Variants in UMODL1 observed in about 807,000 individuals in gnomAD.
The protein encoded by UMODL1 is uromodulin-like 1.
A neutral mutation model predicts 136.3 loss-of-function variants in UMODL1; 128 were observed. The ratio of observed to expected loss-of-function variants is 0.94; its 90% CI spans 0.81 to 1.09. The LOEUF is 1.09. Ranked by LOEUF, UMODL1 falls within the 50% of genes least tolerant of loss-of-function variation. The probability of loss-of-function intolerance (pLI) is 0.00; values close to 1 mark genes in which losing one functional copy is unlikely to be tolerated. For synonymous variants in UMODL1, 721 were observed against 720.0 expected (o/e 1.00, Z -0.02); for missense variants, 1,766 against 1,725.6 (o/e 1.02, Z -0.41).
chr21:42,113,821 G>A lies in UMODL1; in HGVS notation c.2353G>A (p.Val785Met), dbSNP rs1162400981. Residue 785 changes from valine (V) to methionine (M), a missense_variant, in exon 13 of 23, where the codon GTG becomes ATG. By Grantham distance (21) the Val-to-Met change is conservative. Coordinates refer to ENST00000408910, the MANE Select transcript of UMODL1 (RefSeq NM_001004416.3). ...GKEGARAHLKVRTAARKLIGK... is the reference protein window; with the variant it reads ...GKEGARAHLKMRTAARKLIGK... ...AGAAGGTGCCAGAGCTCATCTGAAA[G>A]TGAGGACAGGTAATGGGCTTCCATT... 2 of 1,613,068 alleles carry A rather than the reference G, an allele frequency of 1.2e-6. No individual in the cohort carries two copies. The highest frequency in any genetic ancestry group is 8.5e-7 in the Non-Finnish European group (1 of 1,179,412).
chr21:42,071,528 G>A, intron 1 of UMODL1, 136 bp downstream of exon 1: 1 of 920,980 alleles, frequency 1.1e-6, no homozygotes, highest in South Asian at 3.2e-5. Context: ...CTGTTCTTTT[G>A]TGGACAAGCT....
intron 9 of UMODL1, among the ~76,000 whole-genome samples, chr21:42,105,523 G>C (rs220114): frequency 0.29 from 43,378 of 152,132 alleles, 6,366 homozygotes; most frequent in East Asian, 0.36. Context: ...TTAGAATAAG[G>C]GTGTTTGCAG....
At position 42,127,229 on chromosome 21, in the gene UMODL1, T is replaced by G. The variant is rs2067070831; in HGVS notation, c.3517T>G (p.Phe1173Val). 1 of 1,614,042 alleles carries G rather than the reference T, an allele frequency of 6.2e-7. No homozygotes were observed. Among genetic ancestry groups the G allele is most frequent in the East Asian group, 2.2e-5 (1 of 44,880 alleles). ...CGCCCGGGACCCCATCACCTTCAGC[T>G]TCATTAACAACAGGTAGGGCTCAGG... ...SNARDPITFS[F>V]INNSCPVPNT... is the part of the protein sequence containing the mutation. Residue 1173 changes from phenylalanine (F) to valine (V), a missense_variant, in exon 19 of 23, where the codon TTC becomes GTC. Coordinates refer to ENST00000408910, the MANE Select transcript of UMODL1 (RefSeq NM_001004416.3).
intron 22 of UMODL1, among the ~76,000 whole-genome samples, chr21:42,138,855 G>A (rs575255132): frequency 2.6e-5 from 4 of 152,258 alleles, no homozygotes; most frequent in East Asian, 1.9e-4. Flanking sequence ...GATTACAGGC[G>A]TGAGCCACCG....
chr21:42,132,862 C>T (rs2067152186), intron 21 of UMODL1, among the ~76,000 whole-genome samples: 1 of 152,162 alleles, frequency 6.6e-6, no homozygotes, highest in Non-Finnish European at 1.5e-5. Flanking sequence ...TTTTCCTCAT[C>T]TTTGAAAAGG....
chr21:42,122,947 C>T lies in UMODL1; in HGVS notation c.2944C>T (p.Arg982Trp), dbSNP rs757477018. The change falls in exon 17 of 23, where the codon CGG becomes TGG. Residue 982 changes from arginine to tryptophan, a missense_variant. Arg to Trp is a moderately radical substitution (Grantham distance 101). Coordinates refer to ENST00000408910, the MANE Select transcript of UMODL1 (RefSeq NM_001004416.3). The surrounding 1 kb of genome is among the most constrained non-coding windows in gnomAD (Gnocchi z 4.3). ...TSPTPQGLPQ[R>W]LNLTGAVRVL... ...CCCCACCCCCCAAGGCCTGCCCCAG[C>T]GGCTGAACCTGACCGGAGCAGTCAG... 2.6e-5 allele frequency: 42 copies of T among 1,613,902 alleles called. No homozygotes were observed. Among genetic ancestry groups the T allele is most frequent in the Middle Eastern group, 1.6e-4 (1 of 6,084 alleles).
At chr21:42,080,963 ACATAATGCTGTGATGAACAT>A (rs2066354651) in intron 2 of UMODL1, among the ~76,000 whole-genome samples, 1 of 152,254 alleles carries the variant, frequency 6.6e-6, no homozygotes, top group Non-Finnish European at 1.5e-5. Flanking sequence ...TCATTATCAT[ACATAATGCTGTGATGAACAT>A]CATACCGTAC....
rs376888690 is a variant in UMODL1 at position 42,074,896 on chromosome 21, T to C, written c.77-1109T>C. On this transcript the variant is annotated intron_variant, in intron 1 of 22. Transcript: ENST00000408910. ...CCAGCCACCACAATTTTTTATTTTA[T>C]TTTTTATTTTTGTTTTTTTTTTCAG... Among the ~76,000 whole-genome samples the C allele has an allele frequency of 5.9e-5, 9 of 151,942 alleles. No homozygotes were observed. The East Asian group carries it at 9.7e-4, about 16-fold the overall frequency.
intron 9 of UMODL1, chr21:42,108,362 G>T (rs1436331102): frequency 1.9e-6 from 1 of 523,752 alleles, no homozygotes; most frequent in Non-Finnish European, 3.9e-6. Flanking sequence ...TGTTCTGATG[G>T]CAAGGCAGCC....
intron 1 of UMODL1, among the ~76,000 whole-genome samples, chr21:42,064,602 G>C (rs1481532732): frequency 6.6e-6 from 1 of 152,148 alleles, no homozygotes; most frequent in Non-Finnish European, 1.5e-5. Context: ...AGTTGCCCAG[G>C]CTGGAGTGCA....
At chr21:42,135,292 C>G (rs917272306) in intron 21 of UMODL1, among the ~76,000 whole-genome samples, 1 of 152,270 alleles carries the variant, frequency 6.6e-6, no homozygotes, top group Non-Finnish European at 1.5e-5. Flanking sequence ...AGGGCTTGCT[C>G]TCCACTTCTA....
intron 10 of UMODL1, 124 bp downstream of exon 10, chr21:42,109,823 A>G (rs1039951623): frequency 9.7e-7 from 1 of 1,030,904 alleles, no homozygotes; most frequent in Non-Finnish European, 1.4e-6. Flanking sequence ...GGGCCTACAG[A>G]AATGTTTTCA....
chr21:42,136,147 C>CA (rs995483671), intron 21 of UMODL1, among the ~76,000 whole-genome samples: 1 of 152,114 alleles, frequency 6.6e-6, no homozygotes, highest in Non-Finnish European at 1.5e-5. Context: ...TCATAGGGGC[C>CA]AGCCAGAGAG....
At chr21:42,077,336 C>T (rs570624240) in intron 2 of UMODL1, among the ~76,000 whole-genome samples, 36 of 151,934 alleles carry the variant, frequency 2.4e-4, no homozygotes, top group Middle Eastern at 3.4e-3. Flanking sequence ...TACTTTGAGA[C>T]GAATTAAGAG....
exon 1 of UMODL1, chr21:42,063,063 T>G (rs1379196963): frequency 6.6e-6 from 1 of 152,244 alleles, no homozygotes; most frequent in African/African-American, 2.4e-5. Flanking sequence ...GATGGATCAC[T>G]CCAATCTCCA....
intron 9 of UMODL1, among the ~76,000 whole-genome samples, chr21:42,108,721 C>T (rs1488991218): frequency 1.3e-5 from 2 of 152,192 alleles, no homozygotes; most frequent in Non-Finnish European, 2.9e-5. Context: ...GCTACATTGT[C>T]CTTGTCCTCA....
In UMODL1 at chr21:42,123,592, C is replaced by T. The variant is rs139313817; in HGVS notation, c.3147+442C>T. 6.3e-3 allele frequency among the ~76,000 whole-genome samples: 948 copies of T among 151,176 alleles called. 12 individuals are homozygous for T. The highest frequency in any genetic ancestry group is 8.0e-3 in the Non-Finnish European group (544 of 67,772). ...GTGTAAATGTGTGAATCTGTGTGTGCGAATGTGTATGTGTATATGCATGGC... is the reference window on the plus strand; with the variant it reads ...GTGTAAATGTGTGAATCTGTGTGTGTGAATGTGTATGTGTATATGCATGGC... On this transcript the variant is annotated intron_variant, in intron 17 of 22. Coordinates refer to ENST00000408910, the MANE Select transcript of UMODL1 (RefSeq NM_001004416.3). The surrounding 1 kb of genome is among the most constrained non-coding windows in gnomAD (Gnocchi z 4.4).
At chr21:42,140,951 C>T (rs1018038171) in intron 22 of UMODL1, among the ~76,000 whole-genome samples, 4 of 152,100 alleles carry the variant, frequency 2.6e-5, no homozygotes, top group Non-Finnish European at 2.9e-5. Flanking sequence ...CCCTCCTCAC[C>T]AACCCCATTG....
intron 22 of UMODL1, among the ~76,000 whole-genome samples, 173 bp downstream of exon 22, chr21:42,137,814 G>A (rs967249427): frequency 1.6e-4 from 24 of 148,692 alleles, no homozygotes; most frequent in African/African-American, 5.6e-4. Flanking sequence ...AGGTGGGTGC[G>A]GAGTGGGGGC....
Sources: gnomAD v4.1 joint callset for allele counts (sites outside exome capture counted in the v4.1 genomes callset) on GRCh38, gnomAD v4.1.1 for gene constraint, Gnocchi (gnomAD v3.1) non-coding constraint, MANE v1.5 for transcripts, NCBI Gene and HGNC (gene_info 2026-07-23, HGNC 2026-07-21) for gene names.